UBE2H: variants seen among roughly 807,000 people sequenced by gnomAD.
UBE2H encodes the protein ubiquitin-conjugating enzyme E2 H.
UBE2H carries 3 observed loss-of-function variants against 29.0 expected under a neutral mutation model. That is an observed-to-expected ratio of 0.10 (90% CI 0.05 to 0.27). UBE2H has a LOEUF of 0.27. Among genes scored for constraint, UBE2H ranks in the 10% least tolerant of loss-of-function variants. The pLI is 1.00. For synonymous variants in UBE2H, 69 were observed against 82.9 expected, an observed-to-expected ratio of 0.83 and a Z score of 0.91; for missense variants, 68 against 228.2, an observed-to-expected ratio of 0.30 and a Z score of 4.52.
intron 1 of UBE2H, among the ~76,000 whole-genome samples, chr7:129,936,593 CAAA>C (rs35593803): frequency 5.9e-5 from 7 of 119,520 alleles, no homozygotes; most frequent in Admixed American, 8.6e-5. Context: ...GACTCCATCT[CAAA>C]AAAAAAAAAA....
At chr7:129,847,254 G>C (rs562014079) in intron 5 of UBE2H, among the ~76,000 whole-genome samples, 1 of 152,282 alleles carries the variant, frequency 6.6e-6, no homozygotes, top group African/African-American at 2.4e-5. Context: ...GGCCAGGCTG[G>C]TCTCGAACTC....
chr7:129,881,606 T>A (rs1234959818), intron 1 of UBE2H, among the ~76,000 whole-genome samples: 1 of 147,386 alleles, frequency 6.8e-6, no homozygotes, highest in Non-Finnish European at 1.5e-5. Context: ...CGAGATCACA[T>A]CACTGCACTC....
chr7:129,887,510 A>ACGC (rs1292755163), intron 1 of UBE2H, among the ~76,000 whole-genome samples: 2 of 151,968 alleles, frequency 1.3e-5, no homozygotes, highest in Non-Finnish European at 2.9e-5. Flanking sequence ...GTGAGCCACC[A>ACGC]CGCCCAGCTA....
chr7:129,887,251 T>A (rs1806382532), intron 1 of UBE2H, among the ~76,000 whole-genome samples: 1 of 150,098 alleles, frequency 6.7e-6, no homozygotes, highest in Non-Finnish European at 1.5e-5. Flanking sequence ...AGATGGAGTC[T>A]TGCTCTGCCA....
At chr7:129,948,252 C>G (rs1314447905) in intron 1 of UBE2H, among the ~76,000 whole-genome samples, 1 of 151,770 alleles carries the variant, frequency 6.6e-6, no homozygotes, top group Non-Finnish European at 1.5e-5. Flanking sequence ...AACTCCTACA[C>G]TTAGGTGATC....
intron 1 of UBE2H, among the ~76,000 whole-genome samples, chr7:129,931,136 T>C (rs1050646104): frequency 1.3e-5 from 2 of 151,768 alleles, no homozygotes; most frequent in African/African-American, 2.4e-5. Context: ...GAGAATCGCT[T>C]GAACCCAGGA....
chr7:129,845,752 A>C (rs1170538418), intron 5 of UBE2H, among the ~76,000 whole-genome samples: 1 of 152,200 alleles, frequency 6.6e-6, no homozygotes, highest in Non-Finnish European at 1.5e-5. Context: ...AATCTAAAAG[A>C]CCACAAGTCT....
chr7:129,840,996 G>T (rs368233910), intron 5 of UBE2H, among the ~76,000 whole-genome samples: 1 of 152,130 alleles, frequency 6.6e-6, no homozygotes, highest in Admixed American at 6.5e-5. Context: ...ACTGGCATCC[G>T]GTGGGTGAAG....
At chr7:129,879,179 GGA>G (rs1269171546) in intron 3 of UBE2H, among the ~76,000 whole-genome samples, 4 of 152,198 alleles carry the variant, frequency 2.6e-5, no homozygotes, top group Admixed American at 6.5e-5. Flanking sequence ...TAGGATCTAG[GGA>G]GAATTTCTGA....
chr7:129,927,219 T>C (rs1431135746), intron 1 of UBE2H, among the ~76,000 whole-genome samples: 1 of 152,244 alleles, frequency 6.6e-6, no homozygotes, highest in Non-Finnish European at 1.5e-5. Flanking sequence ...TCAGTAACTT[T>C]TTTAAGAAAC....
At position 129,928,541 on chromosome 7, in the gene UBE2H, T is replaced by G. The variant is rs1807319913; in HGVS notation, c.53+23962A>C. Among the ~76,000 whole-genome samples, 3 of 152,178 alleles carry G rather than the reference T, an allele frequency of 2.0e-5. No individual in the cohort carries two copies. The South Asian group carries it at 6.2e-4, about 31-fold the overall frequency. Reference sequence around the variant, plus strand: ...TTGCTTGAACTCGGGAGGTGGAGGTTGCAGTGAGCCGAGATTGCACCAATG... The same window carrying G: ...TTGCTTGAACTCGGGAGGTGGAGGTGGCAGTGAGCCGAGATTGCACCAATG... On this transcript the variant is annotated intron_variant, in intron 1 of 6. Transcript: ENST00000355621.
intron 1 of UBE2H, among the ~76,000 whole-genome samples, chr7:129,890,405 G>A (rs1401822111): frequency 1.3e-5 from 2 of 151,436 alleles, no homozygotes; most frequent in Admixed American, 6.6e-5. Flanking sequence ...TAAAGATGGA[G>A]TTTTGCTCTT....
intron 5 of UBE2H, among the ~76,000 whole-genome samples, chr7:129,854,060 G>GGTTTTT (rs1554430936): frequency 1.0e-5 from 1 of 100,312 alleles, no homozygotes; most frequent in Non-Finnish European, 2.0e-5. Context: ...TTTAGTGTTA[G>GGTTTTT]TTTTTTTTTT....
chr7:129,919,803 A>G (rs1391131099), intron 1 of UBE2H, among the ~76,000 whole-genome samples: 1 of 152,234 alleles, frequency 6.6e-6, no homozygotes, highest in Non-Finnish European at 1.5e-5. Flanking sequence ...AGGGTCTGAC[A>G]GAAAGAAGGC....
At chr7:129,928,976 CAAT>C (rs993064404) in intron 1 of UBE2H, among the ~76,000 whole-genome samples, 8 of 152,196 alleles carry the variant, frequency 5.3e-5, no homozygotes, top group African/African-American at 1.7e-4. Context: ...AATATTCCAA[CAAT>C]GAGTGCACTG....
At chr7:129,944,124 C>T (rs1435294836) in intron 1 of UBE2H, among the ~76,000 whole-genome samples, 1 of 149,614 alleles carries the variant, frequency 6.7e-6, no homozygotes, top group Non-Finnish European at 1.5e-5. Context: ...TGGGAGGCCA[C>T]GGTGGGCAGA....
chr7:129,874,632 T>G (rs1474636651), intron 3 of UBE2H, among the ~76,000 whole-genome samples: 1 of 152,174 alleles, frequency 6.6e-6, no homozygotes, highest in African/African-American at 2.4e-5. Flanking sequence ...TAGAAGACTT[T>G]TATATTTTTT....
At chr7:129,849,224 T>A (rs1805565359) in intron 5 of UBE2H, among the ~76,000 whole-genome samples, 1 of 151,934 alleles carries the variant, frequency 6.6e-6, no homozygotes, top group African/African-American at 2.4e-5. Flanking sequence ...GTAAAACCAA[T>A]CGGATAGGCA....
At chr7:129,931,958 G>C (rs1472996076) in intron 1 of UBE2H, among the ~76,000 whole-genome samples, 2 of 151,236 alleles carry the variant, frequency 1.3e-5, no homozygotes, top group Admixed American at 1.3e-4. Flanking sequence ...CCAGTAACAG[G>C]GATTACAAGC....
Sources: gnomAD v4.1 joint callset for allele counts (sites outside exome capture counted in the v4.1 genomes callset) on GRCh38, gnomAD v4.1.1 for gene constraint, MANE v1.5 for transcripts, NCBI Gene and HGNC (gene_info 2026-07-23, HGNC 2026-07-21) for gene names.